The following CSGALNACT1 variants were observed in gnomAD, a reference collection of about 807,000 sequenced individuals.
The protein encoded by CSGALNACT1 is chondroitin sulfate N-acetylgalactosaminyltransferase 1.
Under a neutral mutation model 51.0 loss-of-function variants are expected in CSGALNACT1, and 52 were observed. The observed-to-expected ratio is 1.02, with a 90% CI of 0.82 to 1.29. The LOEUF (loss-of-function observed/expected upper bound fraction) is 1.29, where lower values mean the gene tolerates loss of function less well. Among genes scored for constraint, CSGALNACT1 ranks in the 50% most tolerant of loss-of-function variants. CSGALNACT1 has a pLI of 0.00. For synonymous variants in CSGALNACT1, 341 were observed against 254.4 expected (o/e 1.34, Z -3.24); for missense variants, 935 against 679.2 (o/e 1.38, Z -4.19).
intron 3 of CSGALNACT1, among the ~76,000 whole-genome samples, chr8:19,514,015 G>A (rs1769503270): frequency 6.6e-6 from 1 of 152,120 alleles, no homozygotes; most frequent in East Asian, 1.9e-4. Flanking sequence ...GTTTTCAGGT[G>A]TCAGAGATCT....
At chr8:19,608,429 GC>G (rs1767106705) in intron 1 of CSGALNACT1, among the ~76,000 whole-genome samples, 1 of 152,184 alleles carries the variant, frequency 6.6e-6, no homozygotes, top group Non-Finnish European at 1.5e-5. Flanking sequence ...CAAGTCACCT[GC>G]AAAATCAAAG....
intron 1 of CSGALNACT1, among the ~76,000 whole-genome samples, chr8:19,622,050 C>T (rs1162494888): frequency 2.0e-5 from 3 of 152,146 alleles, no homozygotes; most frequent in South Asian, 2.1e-4. Flanking sequence ...CCATTGTGGC[C>T]AATTTCAAGC....
chr8:19,521,265 C>T (rs1262409463), intron 3 of CSGALNACT1, among the ~76,000 whole-genome samples: 2 of 152,008 alleles, frequency 1.3e-5, no homozygotes, highest in Admixed American at 6.6e-5. Flanking sequence ...ACTGGGGACA[C>T]TAGATATGAG....
chr8:19,561,997 G>A (rs961127333), intron 3 of CSGALNACT1, among the ~76,000 whole-genome samples: 22 of 152,022 alleles, frequency 1.4e-4, no homozygotes, highest in East Asian at 1.9e-4. Context: ...ATCCTCCACC[G>A]TGGCTTCCAC....
rs544159029 is a variant in CSGALNACT1, at chr8:19,753,122, C to A, written c.-297+4728G>T. Among the ~76,000 whole-genome samples the A allele has an allele frequency of 2.6e-5, 4 of 152,244 alleles. No homozygotes were observed. The East Asian group carries it at 5.8e-4, about 22-fold the overall frequency. ...AAGGAGAGGCAGGGAGACACCATGG[C>A]CTTTGCTAGCTGGGGGTTTGAGGAT... On this transcript the variant is annotated intron_variant, in intron 1 of 1. Transcript: ENST00000517494.
chr8:19,543,351 G>C (rs2085685676), intron 3 of CSGALNACT1, among the ~76,000 whole-genome samples: 1 of 152,192 alleles, frequency 6.6e-6, no homozygotes, highest in Admixed American at 6.5e-5. Context: ...GCTTTCCTTA[G>C]AAAGTCCTGC....
At chr8:19,630,242 GTA>G (rs61477215) in intron 1 of CSGALNACT1, among the ~76,000 whole-genome samples, 1,388 of 100,458 alleles carry the variant, frequency 0.014, 14 homozygotes, top group African/African-American at 0.032. Flanking sequence ...GTGTGTGTGT[GTA>G]TGTGTGTGTG....
At chr8:19,526,186 G>A (rs6586842) in intron 3 of CSGALNACT1, among the ~76,000 whole-genome samples, 128,248 of 152,210 alleles carry the variant, frequency 0.84, 54,321 homozygotes, top group East Asian at 1. Flanking sequence ...TAGGGAAAGG[G>A]ACATGGGATT....
At chr8:19,616,391 T>C (rs951713892) in intron 1 of CSGALNACT1, among the ~76,000 whole-genome samples, 1 of 152,100 alleles carries the variant, frequency 6.6e-6, no homozygotes, top group Non-Finnish European at 1.5e-5. Context: ...AAGGTACTGA[T>C]GAGGGGTCAT....
intron 5 of CSGALNACT1, among the ~76,000 whole-genome samples, chr8:19,452,636 G>A (rs1243976848): frequency 6.6e-6 from 1 of 152,176 alleles, no homozygotes; most frequent in Admixed American, 6.5e-5. Context: ...GGAAAGAGCT[G>A]CTGAAGATGA....
In CSGALNACT1 at chr8:19,516,403, C is replaced by G. The variant is rs183512830; in HGVS notation, c.-296-10273G>C. Among the ~76,000 whole-genome samples the G allele has an allele frequency of 5.5e-4, 84 of 152,208 alleles. 1 individual carries two copies. The highest frequency in any genetic ancestry group is 3.1e-3 in the Admixed American group (48 of 15,292). On this transcript the variant is annotated intron_variant, in intron 3 of 9. Transcript: ENST00000454498. ...CATAATCTCAAACTGCTTGCTGAGA[C>G]CTGCTCCTCATTCTACACCCAGCGT... is the stretch of plus-strand genomic sequence containing the variant.
At chr8:19,648,619 G>A (rs2057492539) in intron 1 of CSGALNACT1, among the ~76,000 whole-genome samples, 1 of 152,106 alleles carries the variant, frequency 6.6e-6, no homozygotes, top group African/African-American at 2.4e-5. Flanking sequence ...ACTAGCCTGG[G>A]CCACATGGTG....
intron 1 of CSGALNACT1, among the ~76,000 whole-genome samples, chr8:19,623,330 C>T (rs181048651): frequency 6.8e-4 from 103 of 152,278 alleles, no homozygotes; most frequent in African/African-American, 2.4e-3. Context: ...ATATACCTTT[C>T]TCTGGGGTTC....
intron 1 of CSGALNACT1, among the ~76,000 whole-genome samples, chr8:19,719,810 A>G (rs2063016435): frequency 6.6e-6 from 1 of 152,126 alleles, no homozygotes; most frequent in Non-Finnish European, 1.5e-5. Flanking sequence ...AGGCAGCCAT[A>G]CATTCTTCCT....
chr8:19,420,728 C>A (rs2057791381), intron 6 of CSGALNACT1, among the ~76,000 whole-genome samples: 1 of 152,174 alleles, frequency 6.6e-6, no homozygotes, highest in Admixed American at 6.5e-5. Flanking sequence ...GGAGTTTTAA[C>A]ACTAATTTCT....
chr8:19,436,160 T>C (rs958393358), intron 6 of CSGALNACT1, among the ~76,000 whole-genome samples: 3 of 152,202 alleles, frequency 2.0e-5, no homozygotes, highest in African/African-American at 7.2e-5. Flanking sequence ...CTAAACAAGA[T>C]TTTTAAAAAG....
chr8:19,551,342 C>A (rs1408254469), intron 3 of CSGALNACT1, among the ~76,000 whole-genome samples: 3 of 152,088 alleles, frequency 2.0e-5, no homozygotes, highest in African/African-American at 7.2e-5. Context: ...AGCAAGCAGC[C>A]CATGAAGCAT....
At chr8:19,471,126 AGG>A (rs2068053959) in intron 4 of CSGALNACT1, among the ~76,000 whole-genome samples, 1 of 151,374 alleles carries the variant, frequency 6.6e-6, no homozygotes, top group Admixed American at 6.6e-5. Context: ...AAGGAGAGAG[AGG>A]GGAGAGAGAG....
chr8:19,751,963 C>T (rs2065056261), intron 1 of CSGALNACT1, among the ~76,000 whole-genome samples: 4 of 151,222 alleles, frequency 2.6e-5, no homozygotes, highest in Admixed American at 1.3e-4. Context: ...TGAGAACAGA[C>T]TAATACATGT....
Sources: gnomAD v4.1 joint callset for allele counts (sites outside exome capture counted in the v4.1 genomes callset) on GRCh38, gnomAD v4.1.1 for gene constraint, MANE v1.5 for transcripts, NCBI Gene and HGNC (gene_info 2026-07-23, HGNC 2026-07-21) for gene names.